SYN3: variants seen among roughly 807,000 people sequenced by gnomAD.
SYN3 encodes synapsin-3.
In SYN3, 35 loss-of-function variants were observed where a neutral mutation model predicts 65.8. The ratio of observed to expected loss-of-function variants is 0.53; its 90% CI spans 0.41 to 0.70. The LOEUF (loss-of-function observed/expected upper bound fraction) is 0.70, where lower values mean the gene tolerates loss of function less well. Ranked by LOEUF, SYN3 falls within the 30% of genes least tolerant of loss-of-function variation. SYN3 has a pLI of 0.00. For synonymous variants in SYN3, 270 were observed against 292.9 expected, an observed-to-expected ratio of 0.92 and a Z score of 0.80; for missense variants, 680 against 749.0, an observed-to-expected ratio of 0.91 and a Z score of 1.08.
chr22:32,596,747 C>A lies in SYN3; in HGVS notation c.712-11G>T, dbSNP rs770526843. On this transcript the variant is annotated splice_polypyrimidine_tract_variant and intron_variant, in intron 6 of 13. Transcript: ENST00000358763. ...GTGTGGGGCTGTGACCTGAAAGAGA[C>A]AAGAAGAAGTCACTCTTAACATCTC... is the stretch of plus-strand genomic sequence containing the variant. 6.2e-7 allele frequency: 1 copy of A among 1,613,630 alleles called. No homozygotes were observed. The highest frequency in any genetic ancestry group is 1.1e-5 in the South Asian group (1 of 90,976).
chr22:32,548,056 C>A (rs1435450170), intron 7 of SYN3, among the ~76,000 whole-genome samples: 1 of 152,196 alleles, frequency 6.6e-6, no homozygotes, highest in Non-Finnish European at 1.5e-5. Context: ...TGCTTCCAGG[C>A]CCTTCACCAT....
intron 6 of SYN3, among the ~76,000 whole-genome samples, chr22:32,747,830 T>C (rs1450518194): frequency 1.3e-5 from 2 of 152,242 alleles, no homozygotes; most frequent in Non-Finnish European, 2.9e-5. Context: ...GACTGACCTG[T>C]CCTGGGCCTG....
In SYN3 at chr22:32,544,364, A is replaced by T. The variant is rs1413087662; in HGVS notation, c.775-2651T>A. Among the ~76,000 whole-genome samples the T allele has an allele frequency of 7.2e-5, 11 of 152,112 alleles. 1 individual carries two copies. The highest frequency in any genetic ancestry group is 6.5e-4 in the Admixed American group (10 of 15,270). On this transcript the variant is annotated intron_variant, in intron 7 of 13. Coordinates refer to ENST00000358763, the MANE Select transcript of SYN3 (RefSeq NM_003490.4). ...TCAAGGATCCACCATTCTCCTCAAC[A>T]TGTTCCTGCTTTTCAGAACCTCAGT... is the stretch of plus-strand genomic sequence containing the variant.
At chr22:32,788,751 A>C (rs917157494) in intron 6 of SYN3, among the ~76,000 whole-genome samples, 2 of 152,224 alleles carry the variant, frequency 1.3e-5, no homozygotes, top group Admixed American at 6.5e-5. Flanking sequence ...ACAGGACCTG[A>C]AACATGATAG....
chr22:32,605,906 G>A lies in SYN3; in HGVS notation c.712-9170C>T, dbSNP rs370290044. On this transcript the variant is annotated intron_variant, in intron 6 of 13. Coordinates refer to ENST00000358763, the MANE Select transcript of SYN3 (RefSeq NM_003490.4). ...GTTGTGAGCCCTTGGGTAAGTCACCGACCACTCTGTGACTCAGTTTCCTCA... is the reference window on the plus strand; with the variant it reads ...GTTGTGAGCCCTTGGGTAAGTCACCAACCACTCTGTGACTCAGTTTCCTCA... Among the ~76,000 whole-genome samples the A allele has an allele frequency of 1.9e-3, 287 of 152,292 alleles. 3 individuals are homozygous for A. In the South Asian group the frequency reaches 0.036, roughly 19 times the overall value.
chr22:32,774,201 A>G (rs1232380584), intron 6 of SYN3, among the ~76,000 whole-genome samples: 1 of 152,194 alleles, frequency 6.6e-6, no homozygotes. Flanking sequence ...GATATGCTCA[A>G]TCCCTCACCC....
chr22:32,976,962 TC>T (rs2052208747), intron 3 of SYN3, among the ~76,000 whole-genome samples: 1 of 149,872 alleles, frequency 6.7e-6, no homozygotes, highest in Admixed American at 6.6e-5. Flanking sequence ...CTGAGACTTT[TC>T]CCAAGTGCTA....
chr22:32,607,247 A>G (rs1051991004), intron 6 of SYN3, among the ~76,000 whole-genome samples: 15 of 152,160 alleles, frequency 9.9e-5, no homozygotes, highest in Non-Finnish European at 1.0e-4. Flanking sequence ...TGGCTGCTCA[A>G]CATTGAACCC....
chr22:32,780,078 A>AAAAAAAAAAAAAAG (rs1359453939), intron 6 of SYN3, among the ~76,000 whole-genome samples: 9,566 of 48,308 alleles, frequency 0.2, 877 homozygotes, highest in Admixed American at 0.29. Context: ...CAAAAAAAAA[A>AAAAAAAAAAAAAAG]AGAGAGAGAA....
chr22:32,515,596 A>G (rs1180918659), intron 13 of SYN3, among the ~76,000 whole-genome samples: 1 of 152,190 alleles, frequency 6.6e-6, no homozygotes, highest in Admixed American at 6.5e-5. Context: ...CCTTTGATCT[A>G]ACAATATCAT....
chr22:32,727,136 C>T (rs985761826), intron 6 of SYN3, among the ~76,000 whole-genome samples: 7 of 152,114 alleles, frequency 4.6e-5, no homozygotes, highest in African/African-American at 1.7e-4. Context: ...GCTCTCCCTC[C>T]TCCCACCTCC....
intron 12 of SYN3, among the ~76,000 whole-genome samples, chr22:32,525,976 C>CAGT (rs2057970105): frequency 6.6e-6 from 1 of 152,190 alleles, no homozygotes; most frequent in Non-Finnish European, 1.5e-5. Flanking sequence ...CTTCAACAAC[C>CAGT]AGTACCCTGA....
At chr22:32,868,930 C>T (rs1292247011) in intron 5 of SYN3, 36 bp downstream of exon 5, 14 of 1,599,614 alleles carry the variant, frequency 8.8e-6, no homozygotes, top group Middle Eastern at 1.7e-4. Flanking sequence ...CCACTGCCTC[C>T]CAGATCCCTC....
At chr22:32,948,317 C>T (rs1283727226) in intron 3 of SYN3, among the ~76,000 whole-genome samples, 2 of 152,128 alleles carry the variant, frequency 1.3e-5, no homozygotes, top group African/African-American at 4.8e-5. Context: ...TAGCGGGCTA[C>T]TAGGAAACAC....
chr22:32,930,116 A>G (rs2050585591), intron 4 of SYN3, among the ~76,000 whole-genome samples: 1 of 152,190 alleles, frequency 6.6e-6, no homozygotes, highest in African/African-American at 2.4e-5. Context: ...AATTAGTTGA[A>G]TTATCATAAT....
chr22:32,771,340 G>A (rs533949069), intron 6 of SYN3, among the ~76,000 whole-genome samples: 74 of 152,316 alleles, frequency 4.9e-4, no homozygotes, highest in Middle Eastern at 3.4e-3. Flanking sequence ...GTTGAGTACC[G>A]GAGGAAAAAG....
At chr22:32,625,288 T>C (rs918698083) in intron 6 of SYN3, among the ~76,000 whole-genome samples, 2 of 152,220 alleles carry the variant, frequency 1.3e-5, no homozygotes, top group Non-Finnish European at 2.9e-5. Context: ...GTGAGGGATT[T>C]CATACAAAAC....
chr22:32,522,490 G>C (rs1427960967), intron 12 of SYN3, among the ~76,000 whole-genome samples: 1 of 152,176 alleles, frequency 6.6e-6, no homozygotes, highest in Non-Finnish European at 1.5e-5. Context: ...GTGTGGGGCA[G>C]AGGCACAGCC....
intron 6 of SYN3, among the ~76,000 whole-genome samples, chr22:32,808,305 G>T (rs1046582469): frequency 1.3e-5 from 2 of 152,116 alleles, no homozygotes; most frequent in African/African-American, 4.8e-5. Context: ...CAGGCTCATG[G>T]TGGCAGCAAG....
Sources: allele counts gnomAD v4.1 joint callset (sites outside exome capture counted in the v4.1 genomes callset), GRCh38; gene constraint gnomAD v4.1.1; transcripts MANE v1.5; gene names NCBI Gene and HGNC (gene_info 2026-07-23, HGNC 2026-07-21).